The following GYPB variants were observed in gnomAD, a reference collection of about 807,000 sequenced individuals.
The protein encoded by GYPB is glycophorin-B.
A neutral mutation model predicts 15.3 loss-of-function variants in GYPB; 13 were observed. The ratio of observed to expected loss-of-function variants is 0.85; its 90% CI spans 0.55 to 1.35. GYPB has a LOEUF of 1.35. GYPB is among the 40% of genes most tolerant of loss of function. The probability of loss-of-function intolerance (pLI) is 0.00; values close to 1 mark genes in which losing one functional copy is unlikely to be tolerated. For synonymous variants in GYPB, 38 were observed against 36.9 expected, an observed-to-expected ratio of 1.03 and a Z score of -0.11; for missense variants, 131 against 108.3, an observed-to-expected ratio of 1.21 and a Z score of -0.93.
chr4:143,996,373 C>T, intron 4 of GYPB, 69 bp from the exon 5 acceptor site: 2 of 1,549,278 alleles, frequency 1.3e-6, no homozygotes, highest in Non-Finnish European at 1.7e-6. Context: ...TCCACTTCAG[C>T]CTCTGATTGG....
downstream of GYPB, among the ~76,000 whole-genome samples, chr4:143,995,530 G>A (rs1167029740): frequency 6.6e-6 from 1 of 151,226 alleles, no homozygotes; most frequent in African/African-American, 2.5e-5. Flanking sequence ...CCTTTCTGAG[G>A]CGTGGGCATC....
intron 4 of GYPB, chr4:143,997,272 A>T: frequency 3.2e-6 from 1 of 310,020 alleles, no homozygotes; most frequent in Non-Finnish European, 6.1e-6. Flanking sequence ...CCATCAAAAT[A>T]TGTGAAAGCA....
chr4:144,006,040 A>G (rs1368232959), intron 1 of GYPB, among the ~76,000 whole-genome samples: 1 of 151,754 alleles, frequency 6.6e-6, no homozygotes, highest in South Asian at 2.1e-4. Flanking sequence ...GTGCAAAATA[A>G]AATACAAAGG....
chr4:144,002,319 G>A (rs1353693501), intron 1 of GYPB, among the ~76,000 whole-genome samples: 1 of 151,358 alleles, frequency 6.6e-6, no homozygotes, highest in Non-Finnish European at 1.5e-5. Context: ...ATGGGATCAT[G>A]GTGTTTAAAT....
At chr4:144,001,399 T>G in intron 1 of GYPB, 116 bp from the exon 2 acceptor site, 2 of 1,535,458 alleles carry the variant, frequency 1.3e-6, no homozygotes, top group East Asian at 2.3e-5. Flanking sequence ...GCTAAGCGCT[T>G]TAGTATATAT....
intron 1 of GYPB, among the ~76,000 whole-genome samples, chr4:144,003,237 G>C (rs181278573): frequency 6.6e-6 from 1 of 151,326 alleles, no homozygotes; most frequent in South Asian, 2.1e-4. Context: ...ATAGATGAAG[G>C]GTTTGAAGCA....
intron 1 of GYPB, among the ~76,000 whole-genome samples, chr4:144,015,539 A>G (rs1354529868): frequency 1.3e-5 from 2 of 151,464 alleles, no homozygotes; most frequent in African/African-American, 2.5e-5. Flanking sequence ...ATACTTCTCA[A>G]ATAGTCTCAT....
chr4:144,005,343 C>G (rs1727853764), intron 1 of GYPB, among the ~76,000 whole-genome samples: 1 of 151,926 alleles, frequency 6.6e-6, no homozygotes, highest in Non-Finnish European at 1.5e-5. Flanking sequence ...AGCAAGATTT[C>G]TCTAATGTTT....
chr4:143,995,986 G>T (rs572769008), downstream of GYPB: 85 of 392,544 alleles, frequency 2.2e-4, no homozygotes, highest in East Asian at 4.2e-3. Flanking sequence ...TTCCCCTTCT[G>T]CATGTTCTCC....
In GYPB at chr4:143,997,578, T is replaced by G. The variant is rs778924985; in HGVS notation, c.232A>C (p.Ile78Leu). ...CGAATACTGTAAGAAATTAAGAGGA[T>G]CGTTCCAATAATACCAGCCATCACA... ...LCVMAGIIGT[I>L]LLISYSIRRL... is the part of the protein sequence containing the mutation. The change falls in exon 4 of 5, where the codon ATC becomes CTC. Residue 78 changes from isoleucine to leucine, a missense_variant. Transcript: ENST00000502664. 1 of 1,601,284 alleles carries G rather than the reference T, an allele frequency of 6.2e-7. No homozygotes were observed. Among genetic ancestry groups the G allele is most frequent in the Non-Finnish European group, 8.5e-7 (1 of 1,170,528 alleles).
chr4:143,997,018 C>T (rs1727355897), intron 4 of GYPB, among the ~76,000 whole-genome samples: 1 of 150,782 alleles, frequency 6.6e-6, no homozygotes, highest in Non-Finnish European at 1.5e-5. Context: ...GCAATCCTCC[C>T]ACTTCAGCCC....
intron 3 of GYPB, 33 bp from the exon 4 acceptor site, chr4:143,997,667 A>G: frequency 9.4e-7 from 1 of 1,065,334 alleles, no homozygotes; most frequent in Non-Finnish European, 1.5e-6. Context: ...GAAAGTCTGA[A>G]ATAAATGACC....
chr4:143,996,162 C>T lies in GYPB; in HGVS notation c.*137G>A, dbSNP rs1011857393. On this transcript the variant is annotated 3_prime_UTR_variant, in exon 5 of 5. Transcript: ENST00000502664. ...AGTAGAGAATACAGTAATAGTGAGG[C>T]AGGAGAACAGGGAATTAGGATAGCC... The T allele has an allele frequency of 4.3e-5, 66 of 1,518,038 alleles. No homozygotes were observed. Among genetic ancestry groups the T allele is most frequent in the Admixed American group, 6.1e-5 (3 of 49,106 alleles). 94.0% of individuals were successfully genotyped at this position (1,518,038 alleles called of 1,614,324 possible). A position where few individuals can be genotyped will look rare whatever the true frequency, so the allele number is the denominator to read the frequency against.
chr4:144,012,019 A>C (rs1168503953), intron 1 of GYPB, among the ~76,000 whole-genome samples: 1 of 152,134 alleles, frequency 6.6e-6, no homozygotes, highest in African/African-American at 2.4e-5. Context: ...ACTGGGAAAT[A>C]AGTGATAACA....
At chr4:144,000,646 G>C (rs1014766461) in intron 2 of GYPB, among the ~76,000 whole-genome samples, 2 of 151,178 alleles carry the variant, frequency 1.3e-5, no homozygotes, top group Non-Finnish European at 2.9e-5. Context: ...TCTTATCTCA[G>C]CACCCAGCTT....
At chr4:144,014,408 G>T (rs1728385541) in intron 1 of GYPB, among the ~76,000 whole-genome samples, 3 of 151,812 alleles carry the variant, frequency 2.0e-5, no homozygotes, top group East Asian at 1.9e-4. Flanking sequence ...ATCAAATGAT[G>T]GATGGATAAA....
rs149075867 is a variant in GYPB, at chr4:144,003,616, T to G, written c.38-2333A>C. Among the ~76,000 whole-genome samples, 272 of 151,662 alleles carry G rather than the reference T, an allele frequency of 1.8e-3. 15 individuals are homozygous for G. The highest frequency in any genetic ancestry group is 6.2e-3 in the African/African-American group (254 of 40,936). ...TTTAAATTTTTAAGCAAAGTATATGTAACTTAAGAAAATGAAAACATGCTT... is the reference window on the plus strand; with the variant it reads ...TTTAAATTTTTAAGCAAAGTATATGGAACTTAAGAAAATGAAAACATGCTT... On this transcript the variant is annotated intron_variant, in intron 1 of 4. Coordinates refer to ENST00000502664, the MANE Select transcript of GYPB (RefSeq NM_002100.6).
In GYPB at chr4:144,018,100, C is replaced by T. The variant is rs1299043642; in HGVS notation, c.37+1151G>A. ...TTCTAATCATAGAAAATGCGTAGTA[C>T]GCTTAACATTTTACTTTGTTTCTGG... is the stretch of plus-strand genomic sequence containing the variant. On this transcript the variant is annotated intron_variant, in intron 1 of 4. Coordinates refer to ENST00000502664, the MANE Select transcript of GYPB (RefSeq NM_002100.6). 2.6e-5 allele frequency among the ~76,000 whole-genome samples: 4 copies of T among 151,174 alleles called. No individual in the cohort carries two copies. The East Asian group carries it at 5.8e-4, about 22-fold the overall frequency.
chr4:143,995,827 C>G (rs1440593774), downstream of GYPB, among the ~76,000 whole-genome samples: 5 of 151,298 alleles, frequency 3.3e-5, no homozygotes, highest in Non-Finnish European at 7.4e-5. Flanking sequence ...GTATGATAAA[C>G]TTGTCTTTGC....
Sources: gnomAD v4.1 joint callset for allele counts (sites outside exome capture counted in the v4.1 genomes callset) on GRCh38, gnomAD v4.1.1 for gene constraint, MANE v1.5 for transcripts, NCBI Gene and HGNC (gene_info 2026-07-23, HGNC 2026-07-21) for gene names.